The following RASGEF1C variants were observed in gnomAD, a reference collection of about 807,000 sequenced individuals.
The protein encoded by RASGEF1C is ras-GEF domain-containing family member 1C.
In RASGEF1C, 27 loss-of-function variants were observed where a neutral mutation model predicts 58.1. The observed-to-expected ratio is 0.46, with a 90% CI of 0.34 to 0.64. The LOEUF (loss-of-function observed/expected upper bound fraction) is 0.64, where lower values mean the gene tolerates loss of function less well. RASGEF1C is among the 30% of genes least tolerant of loss of function. The pLI, the probability that RASGEF1C is intolerant of heterozygous loss-of-function variation, is 0.01. For missense variants in RASGEF1C, 502 were observed against 605.1 expected (o/e 0.83, Z 1.79); for synonymous variants, 243 against 246.3 (o/e 0.99, Z 0.13).
At chr5:180,180,852 C>T (rs944357592) in intron 1 of RASGEF1C, among the ~76,000 whole-genome samples, 1 of 152,226 alleles carries the variant, frequency 6.6e-6, no homozygotes, top group Admixed American at 6.5e-5. Context: ...CATTTCCAGA[C>T]CCTGAAAAGT....
chr5:180,113,361 T>G (rs1241639674), intron 11 of RASGEF1C, among the ~76,000 whole-genome samples: 1 of 15,000 alleles, frequency 6.7e-5, no homozygotes, highest in African/African-American at 2.7e-4. Context: ...GACTGAGGGA[T>G]CCGGGATGGA....
chr5:180,174,418 G>A (rs1003886607), intron 1 of RASGEF1C, among the ~76,000 whole-genome samples: 2 of 148,288 alleles, frequency 1.3e-5, no homozygotes, highest in Non-Finnish European at 3.0e-5. Context: ...GTGTGCGTGC[G>A]TGCATGTGCA....
intron 8 of RASGEF1C, 111 bp from the exon 9 acceptor site, chr5:180,118,977 G>C: frequency 1.0e-6 from 1 of 987,202 alleles, no homozygotes; most frequent in Non-Finnish European, 1.6e-6. Flanking sequence ...GCAGGGCTCA[G>C]CCTGTCACAT....
chr5:180,126,377 A>G (rs1347211706), intron 6 of RASGEF1C, among the ~76,000 whole-genome samples: 1 of 152,170 alleles, frequency 6.6e-6, no homozygotes, highest in African/African-American at 2.4e-5. Context: ...CCTGCACTCC[A>G]GCCTGGGCGA....
rs562723166 is a variant in RASGEF1C at position 180,151,491 on chromosome 5, G to A, written c.-6-13433C>T. On this transcript the variant is annotated intron_variant, in intron 1 of 13. Transcript: ENST00000361132. ...GAAAGGATTCCCTATTTAATAAATG[G>A]TGCTGGGAAAACTGGCTAGCCATAT... is the stretch of plus-strand genomic sequence containing the variant. Among the ~76,000 whole-genome samples, 16 of 152,264 alleles carry A rather than the reference G, an allele frequency of 1.1e-4. No individual in the cohort carries two copies. The South Asian group carries it at 3.3e-3, about 32-fold the overall frequency.
chr5:180,139,816 C>T (rs531722317), intron 1 of RASGEF1C, among the ~76,000 whole-genome samples: 349 of 152,286 alleles, frequency 2.3e-3, no homozygotes, highest in Non-Finnish European at 2.7e-3. Context: ...CTGCCCAGGG[C>T]CCGGCAGCTC....
chr5:180,146,680 G>A (rs985786172), intron 1 of RASGEF1C, among the ~76,000 whole-genome samples: 2 of 152,092 alleles, frequency 1.3e-5, no homozygotes, highest in African/African-American at 2.4e-5. Flanking sequence ...CTTGGTTGTG[G>A]TGTATAATTT....
intron 1 of RASGEF1C, among the ~76,000 whole-genome samples, chr5:180,193,819 A>G (rs1186488230): frequency 4.0e-5 from 6 of 151,528 alleles, no homozygotes; most frequent in Admixed American, 4.0e-4. Context: ...AGATGTGTCA[A>G]CTGGCATGAA....
intron 1 of RASGEF1C, among the ~76,000 whole-genome samples, chr5:180,167,077 T>C (rs958497545): frequency 6.6e-6 from 1 of 152,192 alleles, no homozygotes; most frequent in Non-Finnish European, 1.5e-5. Context: ...ATTCATCCTG[T>C]CTGGCGGGTT....
At chr5:180,132,554 G>C (rs921312218) in intron 4 of RASGEF1C, among the ~76,000 whole-genome samples, 2 of 152,226 alleles carry the variant, frequency 1.3e-5, no homozygotes, top group East Asian at 3.9e-4. Flanking sequence ...AGCTCGTGAG[G>C]CTCCTAGGGG....
chr5:180,140,893 T>A (rs2113282111), intron 1 of RASGEF1C, among the ~76,000 whole-genome samples: 1 of 152,198 alleles, frequency 6.6e-6, no homozygotes, highest in Admixed American at 6.5e-5. Context: ...TGGGAGTATA[T>A]GCTTAGGTGT....
intron 1 of RASGEF1C, among the ~76,000 whole-genome samples, chr5:180,163,971 C>A (rs1437927861): frequency 3.9e-5 from 6 of 152,156 alleles, no homozygotes; most frequent in Non-Finnish European, 8.8e-5. Flanking sequence ...AAGTTAGTTG[C>A]TTTCAAGGAA....
chr5:180,203,815 T>A (rs1236189698), intron 1 of RASGEF1C, among the ~76,000 whole-genome samples: 1 of 151,956 alleles, frequency 6.6e-6, no homozygotes, highest in African/African-American at 2.4e-5. Context: ...GCCAACATGA[T>A]GAAACCCCAT....
intron 1 of RASGEF1C, among the ~76,000 whole-genome samples, chr5:180,161,482 T>C (rs922334095): frequency 6.6e-6 from 1 of 152,232 alleles, no homozygotes; most frequent in Non-Finnish European, 1.5e-5. Context: ...CTCACCTGTG[T>C]GGACCTGATG....
intron 6 of RASGEF1C, among the ~76,000 whole-genome samples, chr5:180,123,738 A>T (rs558033144): frequency 9.6e-4 from 146 of 152,268 alleles, no homozygotes; most frequent in Non-Finnish European, 1.8e-3. Flanking sequence ...ATAGTAAAAA[A>T]AACTGCAATC....
intron 1 of RASGEF1C, among the ~76,000 whole-genome samples, chr5:180,181,389 C>A (rs1371030952): frequency 6.6e-6 from 1 of 152,210 alleles, no homozygotes; most frequent in African/African-American, 2.4e-5. Context: ...TGACTGAAGT[C>A]CTCACCTCCA....
chr5:180,170,459 G>C (rs1767091692), intron 1 of RASGEF1C, among the ~76,000 whole-genome samples: 1 of 152,222 alleles, frequency 6.6e-6, no homozygotes, highest in Admixed American at 6.5e-5. Context: ...AGGGACGCAA[G>C]TTGTAGCGTC....
rs926497150 is a variant in RASGEF1C at position 180,136,750 on chromosome 5, C to G, written c.301-235G>C. The stretch of plus-strand genomic sequence containing the variant: ...TCTGGCCTTTCTGCGGTTGACGGCT[C>G]CATCCTCCCTGGTGAGTCTTCGCGC... On this transcript the variant is annotated intron_variant, in intron 3 of 13. Coordinates refer to ENST00000361132, the MANE Select transcript of RASGEF1C (RefSeq NM_175062.4). The G allele has an allele frequency of 5.6e-5, 31 of 556,296 alleles. 1 individual carries two copies. The highest frequency in any genetic ancestry group is 5.1e-4 in the Admixed American group (16 of 31,262). The allele number at this position is 556,296 out of a possible 1,614,324, so 34.5% of individuals were successfully genotyped here. A position where few individuals can be genotyped will look rare whatever the true frequency, so the allele number is the denominator to read the frequency against.
At chr5:180,114,685 G>GC (rs1766034611) in intron 10 of RASGEF1C, 144 bp from the exon 11 acceptor site, 1 of 644,450 alleles carries the variant, frequency 1.6e-6, no homozygotes, top group Admixed American at 2.7e-5. Flanking sequence ...GACTTCCTGG[G>GC]CTAGCCGGGG....
Sources: allele counts gnomAD v4.1 joint callset (sites outside exome capture counted in the v4.1 genomes callset), GRCh38; gene constraint gnomAD v4.1.1; transcripts MANE v1.5; gene names NCBI Gene and HGNC (gene_info 2026-07-23, HGNC 2026-07-21).